The following SEC24D variants were observed in gnomAD, a reference collection of about 807,000 sequenced individuals.
SEC24D encodes protein transport protein Sec24D.
Under a neutral mutation model 116.9 loss-of-function variants are expected in SEC24D, and 69 were observed. That is an observed-to-expected ratio of 0.59 (90% CI 0.49 to 0.72). The LOEUF is 0.72. Ranked by LOEUF, SEC24D falls within the 30% of genes least tolerant of loss-of-function variation. The pLI, the probability that SEC24D is intolerant of heterozygous loss-of-function variation, is 0.00. For missense variants in SEC24D, 1,131 were observed against 1,264.1 expected (o/e 0.89, Z 1.60); for synonymous variants, 405 against 442.8 (o/e 0.91, Z 1.07).
At chr4:118,765,048 G>C (rs996357384) in intron 9 of SEC24D, 131 bp from the exon 10 acceptor site, 1 of 603,052 alleles carries the variant, frequency 1.7e-6, no homozygotes. Context: ...CTGGAATGTA[G>C]TATACCGTAA....
At chr4:118,749,587 G>A (rs897529594) in intron 13 of SEC24D, among the ~76,000 whole-genome samples, 6 of 152,174 alleles carry the variant, frequency 3.9e-5, no homozygotes, top group South Asian at 4.2e-4. Flanking sequence ...CTGGTCTTCC[G>A]GGCAGAATAT....
At chr4:118,765,289 T>C (rs1727592483) in intron 9 of SEC24D, among the ~76,000 whole-genome samples, 1 of 152,238 alleles carries the variant, frequency 6.6e-6, no homozygotes, top group Non-Finnish European at 1.5e-5. Flanking sequence ...CTAACAGAAA[T>C]AAACATTCGT....
chr4:118,776,740 T>C (rs1184204085), intron 8 of SEC24D, among the ~76,000 whole-genome samples: 2 of 152,186 alleles, frequency 1.3e-5, no homozygotes, highest in Non-Finnish European at 2.9e-5. Context: ...CTGTAATTTA[T>C]CTTTTATCTC....
intron 2 of SEC24D, 196 bp downstream of exon 2, chr4:118,833,383 C>T (rs1224299801): frequency 4.5e-6 from 2 of 442,360 alleles, no homozygotes; most frequent in Non-Finnish European, 8.0e-6. Context: ...AAAAACCAAA[C>T]TTGTATTGCA....
chr4:118,757,887 T>C (rs1230113625), intron 10 of SEC24D, 42 bp from the exon 11 acceptor site: 1 of 1,542,364 alleles, frequency 6.5e-7, no homozygotes, highest in South Asian at 1.2e-5. Context: ...AGTAAATACA[T>C]TGCATAATCA....
At chr4:118,783,000 A>G (rs749573889) in intron 8 of SEC24D, among the ~76,000 whole-genome samples, 2 of 152,148 alleles carry the variant, frequency 1.3e-5, no homozygotes, top group Non-Finnish European at 2.9e-5. Flanking sequence ...TTCTCCAGGT[A>G]CAGTCTGTCA....
intron 7 of SEC24D, among the ~76,000 whole-genome samples, chr4:118,798,281 T>C (rs1173785984): frequency 6.6e-6 from 1 of 152,224 alleles, no homozygotes; most frequent in Non-Finnish European, 1.5e-5. Context: ...TTGTCAAATA[T>C]GATTCCATTT....
At chr4:118,737,461 A>G (rs2110436895) in intron 19 of SEC24D, among the ~76,000 whole-genome samples, 1 of 152,322 alleles carries the variant, frequency 6.6e-6, no homozygotes, top group Admixed American at 6.5e-5. Flanking sequence ...TATCTGCATT[A>G]TCTTTCCTGC....
In SEC24D at chr4:118,740,784, C is replaced by T; in HGVS notation, c.2117G>A (p.Gly706Asp). 1 of 1,613,776 alleles carries T rather than the reference C, an allele frequency of 6.2e-7. No individual in the cohort carries two copies. The highest frequency in any genetic ancestry group is 8.5e-7 in the Non-Finnish European group (1 of 1,179,850). Residue 706 changes from glycine (G) to aspartate (D), a missense_variant, in exon 17 of 23, where the codon GGT (glycine) becomes GAT (aspartate). By Grantham distance (94) the Gly-to-Asp change is moderately conservative. Transcript: ENST00000280551. The part of the protein sequence containing the change: ...STGFRATDFF[G>D]GILMNNTTDV... Reference sequence around the variant, plus strand: ...GGTGGTGTTGTTCATCAAGATTCCACCAAAGAAATCAGTGGCTCTGAAACC... The same window carrying T: ...GGTGGTGTTGTTCATCAAGATTCCATCAAAGAAATCAGTGGCTCTGAAACC...
intron 19 of SEC24D, among the ~76,000 whole-genome samples, chr4:118,735,465 C>A (rs1725911200): frequency 1.3e-5 from 2 of 152,052 alleles, no homozygotes; most frequent in African/African-American, 2.4e-5. Context: ...TTGGAAAATT[C>A]TTTCCTTCTT....
intron 13 of SEC24D, 61 bp downstream of exon 13, chr4:118,751,935 A>G (rs1392602800): frequency 1.7e-6 from 2 of 1,164,408 alleles, no homozygotes; most frequent in Admixed American, 3.9e-5. Context: ...AAACTTTCTT[A>G]TTTTTTGTCT....
At chr4:118,756,390 C>T (rs1467023400) in intron 11 of SEC24D, among the ~76,000 whole-genome samples, 1 of 152,094 alleles carries the variant, frequency 6.6e-6, no homozygotes, top group African/African-American at 2.4e-5. Flanking sequence ...GAAATTGCCT[C>T]GGTGTTTTTT....
At chr4:118,772,524 A>G (rs1274601567) in intron 8 of SEC24D, among the ~76,000 whole-genome samples, 2 of 152,238 alleles carry the variant, frequency 1.3e-5, no homozygotes, top group Non-Finnish European at 2.9e-5. Context: ...TTGCCAAGAA[A>G]AACTTATTTT....
At chr4:118,814,579 T>C (rs910481863) in intron 6 of SEC24D, among the ~76,000 whole-genome samples, 2 of 152,228 alleles carry the variant, frequency 1.3e-5, no homozygotes, top group East Asian at 3.8e-4. Context: ...AGTTCTAACT[T>C]TACATTAAAA....
At chr4:118,770,119 T>C (rs1297857091) in intron 8 of SEC24D, among the ~76,000 whole-genome samples, 2 of 152,148 alleles carry the variant, frequency 1.3e-5, no homozygotes, top group East Asian at 3.8e-4. Flanking sequence ...TACACTCTAA[T>C]GGTTAAAAGT....
chr4:118,745,132 A>T, intron 13 of SEC24D, 72 bp from the exon 14 acceptor site: 1 of 839,136 alleles, frequency 1.2e-6, no homozygotes, highest in Non-Finnish European at 2.0e-6. Context: ...GAATCAGAAA[A>T]TAAAATATAA....
chr4:118,727,120 T>C (rs981521465), intron 22 of SEC24D, among the ~76,000 whole-genome samples: 1 of 152,224 alleles, frequency 6.6e-6, no homozygotes, highest in African/African-American at 2.4e-5. Context: ...TTCATGTCTG[T>C]GATGTGCAGC....
At chr4:118,779,345 C>T (rs1456443949) in intron 8 of SEC24D, among the ~76,000 whole-genome samples, 2 of 152,094 alleles carry the variant, frequency 1.3e-5, no homozygotes, top group South Asian at 2.1e-4. Context: ...GCCTTTTCTG[C>T]GTCTATTGAG....
At chr4:118,751,906 G>A (rs1361339033) in intron 13 of SEC24D, 90 bp downstream of exon 13, 13 of 915,554 alleles carry the variant, frequency 1.4e-5, no homozygotes, top group Non-Finnish European at 2.1e-5. Flanking sequence ...AATGAAGACT[G>A]TCTTTTCTTT....
Sources: gnomAD v4.1 joint callset for allele counts (sites outside exome capture counted in the v4.1 genomes callset) on GRCh38, gnomAD v4.1.1 for gene constraint, MANE v1.5 for transcripts, NCBI Gene and HGNC (gene_info 2026-07-23, HGNC 2026-07-21) for gene names.